Variants in OTOG observed in about 807,000 individuals in gnomAD.
OTOG encodes otogelin.
In OTOG, 296 loss-of-function variants were observed where a neutral mutation model predicts 313.8. The ratio of observed to expected loss-of-function variants is 0.94; its 90% CI spans 0.86 to 1.04. OTOG has a LOEUF of 1.04. Ranked by LOEUF, OTOG falls within the 50% of genes least tolerant of loss-of-function variation. The pLI, the probability that OTOG is intolerant of heterozygous loss-of-function variation, is 0.00. For missense variants in OTOG, 3,948 were observed against 3,840.1 expected, an observed-to-expected ratio of 1.03 and a Z score of -0.74; for synonymous variants, 1,533 against 1,554.9, an observed-to-expected ratio of 0.99 and a Z score of 0.33.
chr11:17,644,100 G>T (rs7123339), intron 54 of OTOG, among the ~76,000 whole-genome samples: 6 of 152,166 alleles, frequency 3.9e-5, no homozygotes, highest in Non-Finnish European at 8.8e-5. Context: ...TGCTCCCCAC[G>T]TCTGGCACAG....
At chr11:17,562,237 CAAAAA>C (rs759962274) in intron 15 of OTOG, among the ~76,000 whole-genome samples, 2 of 62,686 alleles carry the variant, frequency 3.2e-5, no homozygotes, top group Admixed American at 1.8e-4. Context: ...GACTCCGTCT[CAAAAA>C]AAAAAAAAAA....
At chr11:17,613,343 T>TCCTTCCTTCCTTCCTTCCTTCCTA (rs1853639744) in intron 38 of OTOG, among the ~76,000 whole-genome samples, 1 of 109,952 alleles carries the variant, frequency 9.1e-6, no homozygotes, top group Non-Finnish European at 2.0e-5. Flanking sequence ...CTTCCTTCCT[T>TCCTTCCTTCCTTCCTTCCTTCCTA]CCTTCCTTCC....
At chr11:17,556,108 A>T (rs1852052865) in intron 7 of OTOG, among the ~76,000 whole-genome samples, 1 of 152,082 alleles carries the variant, frequency 6.6e-6, no homozygotes, top group Non-Finnish European at 1.5e-5. Context: ...GAACTCTCAG[A>T]TATTGCAGAT....
At chr11:17,629,024 G>T (rs1429390658) in intron 39 of OTOG, 109 bp from the exon 40 acceptor site, 5 of 1,139,360 alleles carry the variant, frequency 4.4e-6, no homozygotes, top group Admixed American at 4.6e-5. Flanking sequence ...ATGTTTGTCA[G>T]ATGATGGGTG....
chr11:17,573,574 C>T (rs965835580), intron 19 of OTOG, among the ~76,000 whole-genome samples: 13 of 152,226 alleles, frequency 8.5e-5, no homozygotes, highest in African/African-American at 3.1e-4. Flanking sequence ...AATTCACCCA[C>T]TTCTTACCAC....
chr11:17,637,941 G>A (rs1170593981), intron 47 of OTOG, among the ~76,000 whole-genome samples: 2 of 152,148 alleles, frequency 1.3e-5, no homozygotes, highest in African/African-American at 4.8e-5. Context: ...CCCTTGCCTT[G>A]TTCTCCCAGC....
chr11:17,596,635 C>T (rs1203070035), intron 29 of OTOG, among the ~76,000 whole-genome samples: 2 of 152,220 alleles, frequency 1.3e-5, no homozygotes, highest in African/African-American at 4.8e-5. Context: ...ACAGCCCAGA[C>T]TAAGGAGAGA....
At chr11:17,561,445 G>A (rs1184562614) in intron 14 of OTOG, among the ~76,000 whole-genome samples, 2 of 152,194 alleles carry the variant, frequency 1.3e-5, no homozygotes, top group East Asian at 1.9e-4. Flanking sequence ...CCCTCCAAGG[G>A]AGATCCCCAG....
At position 17,610,678 on chromosome 11, in the gene OTOG, C is replaced by T. The variant is rs1317364318; in HGVS notation, c.5378C>T (p.Thr1793Ile). Residue 1793 changes from threonine (T) to isoleucine (I), a missense_variant, in exon 36 of 56, where the codon ACT becomes ATT. Thr to Ile is a moderately conservative substitution (Grantham distance 89). Transcript: ENST00000399397. Reference protein sequence around the residue: ...AATPFMSLESTRPSQLLSGLP... With the variant: ...AATPFMSLESIRPSQLLSGLP... ...ACACCCTTCATGTCCCTTGAGTCAA[C>T]TCGTCCCTCCCAGCTCCTCTCTGGC... The T allele has an allele frequency of 3.9e-5, 61 of 1,550,686 alleles. No homozygotes were observed. The highest frequency in any genetic ancestry group is 5.2e-5 in the Non-Finnish European group (60 of 1,147,014).
In OTOG at chr11:17,553,184, A is replaced by G. The variant is rs778084555; in HGVS notation, c.358A>G (p.Asn120Asp). ...HPAFCDCRRF[N>D]ATGPRCQMVY... ...AGCCTTCTGTGACTGCAGACGCTTC[A>G]ATGCCACTGGACCGCGCTGCCAGAT... The change falls in exon 5 of 56, where the codon AAT (asparagine) becomes GAT (aspartate). Residue 120 changes from asparagine to aspartate, a missense_variant. Physicochemically the swap from Asn to Asp is conservative, Grantham distance 23. Coordinates refer to ENST00000399397, the MANE Select transcript of OTOG (RefSeq NM_001292063.2). The G allele has an allele frequency of 1.3e-6, 2 of 1,550,478 alleles. No homozygotes were observed. The highest frequency in any genetic ancestry group is 2.4e-5 in the South Asian group (2 of 84,048).
At chr11:17,618,017 A>G (rs1853767820) in intron 39 of OTOG, among the ~76,000 whole-genome samples, 1 of 151,618 alleles carries the variant, frequency 6.6e-6, no homozygotes, top group Non-Finnish European at 1.5e-5. Context: ...GGTTCACACC[A>G]TTCTCCTGCC....
rs2133729320 is a variant in OTOG, at chr11:17,645,778, C to T, written c.8576C>T (p.Ser2859Phe). The change falls in exon 56 of 56, where the codon TCC becomes TTC. Residue 2859 changes from serine (S) to phenylalanine (F), a missense_variant. Physicochemically the swap from Ser to Phe is radical, Grantham distance 155. Transcript: ENST00000399397. ...NLVSCDGRCPSASIYNYNINT... is the reference protein window; with the variant it reads ...NLVSCDGRCPFASIYNYNINT... ...GTGTCCTGCGATGGGAGGTGCCCATCCGCCAGCATCTACAACTACAACATC... is the reference window on the plus strand; with the variant it reads ...GTGTCCTGCGATGGGAGGTGCCCATTCGCCAGCATCTACAACTACAACATC... 1 of 1,550,990 alleles carries T rather than the reference C, an allele frequency of 6.4e-7. No homozygotes were observed. The highest frequency in any genetic ancestry group is 8.7e-7 in the Non-Finnish European group (1 of 1,147,090).
intron 49 of OTOG, among the ~76,000 whole-genome samples, chr11:17,639,835 GGAT>G (rs1170019027): frequency 1.3e-5 from 2 of 150,532 alleles, no homozygotes; most frequent in Admixed American, 1.3e-4. Flanking sequence ...GGGATGGTGA[GGAT>G]GATGGTGGTG....
At chr11:17,638,284 C>G (rs1192906985) in intron 47 of OTOG, among the ~76,000 whole-genome samples, 167 bp from the exon 48 acceptor site, 3 of 152,164 alleles carry the variant, frequency 2.0e-5, no homozygotes, top group African/African-American at 7.2e-5. Flanking sequence ...GAAGTAGCTC[C>G]CTGGGGAGAC....
At chr11:17,636,300 T>A (rs1854265615) in intron 47 of OTOG, among the ~76,000 whole-genome samples, 2 of 152,228 alleles carry the variant, frequency 1.3e-5, no homozygotes, top group South Asian at 4.1e-4. Flanking sequence ...ATGTACATAG[T>A]ACCTCAATAG....
At chr11:17,589,077 T>C (rs536805727) in intron 24 of OTOG, among the ~76,000 whole-genome samples, 1 of 152,300 alleles carries the variant, frequency 6.6e-6, no homozygotes, top group African/African-American at 2.4e-5. Context: ...GCCCTACTTG[T>C]TTGGCAAAAC....
rs1283806755 is a variant in OTOG, at chr11:17,645,784, G to A, written c.8582G>A (p.Ser2861Asn). ...VSCDGRCPSASIYNYNINTYA... is the reference protein window; with the variant it reads ...VSCDGRCPSANIYNYNINTYA... ...TGCGATGGGAGGTGCCCATCCGCCAGCATCTACAACTACAACATCAACACC... is the reference window on the plus strand; with the variant it reads ...TGCGATGGGAGGTGCCCATCCGCCAACATCTACAACTACAACATCAACACC... Residue 2861 changes from serine to asparagine, a missense_variant, in exon 56 of 56, where the codon AGC becomes AAC. Transcript: ENST00000399397. 12 of 1,551,072 alleles carry A rather than the reference G, an allele frequency of 7.7e-6. No individual in the cohort carries two copies. The highest frequency in any genetic ancestry group is 1.0e-5 in the Non-Finnish European group (12 of 1,147,104).
intron 12 of OTOG, among the ~76,000 whole-genome samples, 169 bp downstream of exon 12, chr11:17,559,831 G>A (rs1852140621): frequency 1.3e-5 from 2 of 148,586 alleles, no homozygotes; most frequent in South Asian, 2.2e-4. Flanking sequence ...AAGAAGGAAG[G>A]AGGAAGGAAA....
In OTOG at chr11:17,593,271, A is replaced by T; in HGVS notation, c.3085A>T (p.Ile1029Phe). 6.4e-7 allele frequency: 1 copy of T among 1,550,492 alleles called. No individual in the cohort carries two copies. The highest frequency in any genetic ancestry group is 8.7e-7 in the Non-Finnish European group (1 of 1,146,924). Residue 1029 changes from isoleucine to phenylalanine, a missense_variant, in exon 26 of 56, where the codon ATT (isoleucine) becomes TTT (phenylalanine). Ile to Phe is a conservative substitution (Grantham distance 21). Transcript: ENST00000399397. Reference sequence around the variant, plus strand: ...CTCTGGCATGATCTGCAGGAAATTTATTTCCATCAACGTTGGGAACTCACT... The same window carrying T: ...CTCTGGCATGATCTGCAGGAAATTTTTTTCCATCAACGTTGGGAACTCACT... ...YSSGMICRKF[I>F]SINVGNSLIV... is the part of the protein sequence containing the mutation.
Sources: gnomAD v4.1 joint callset for allele counts (sites outside exome capture counted in the v4.1 genomes callset) on GRCh38, gnomAD v4.1.1 for gene constraint, MANE v1.5 for transcripts, NCBI Gene and HGNC (gene_info 2026-07-23, HGNC 2026-07-21) for gene names.